Variants in CNBD1 observed in about 807,000 individuals in gnomAD.
The protein encoded by CNBD1 is cyclic nucleotide binding domain containing 1, also known as cyclic nucleotide-binding domain-containing protein 1.
A neutral mutation model predicts 54.4 loss-of-function variants in CNBD1; 71 were observed. The ratio of observed to expected loss-of-function variants is 1.30; its 90% CI spans 1.08 to 1.59. The LOEUF (loss-of-function observed/expected upper bound fraction) is 1.59, where lower values mean the gene tolerates loss of function less well. CNBD1 is among the 40% of genes most tolerant of loss of function. The pLI, the probability that CNBD1 is intolerant of heterozygous loss-of-function variation, is 0.00. For synonymous variants in CNBD1, 182 were observed against 170.7 expected (o/e 1.07, Z -0.51); for missense variants, 659 against 518.0 (o/e 1.27, Z -2.64).
chr8:87,099,130 A>G (rs533383055), intron 4 of CNBD1, among the ~76,000 whole-genome samples: 149 of 152,010 alleles, frequency 9.8e-4, no homozygotes, highest in Non-Finnish European at 1.8e-3. Flanking sequence ...TAAAAAATAC[A>G]TGATTATATT....
chr8:87,292,232 T>C (rs1159373068), intron 8 of CNBD1, among the ~76,000 whole-genome samples: 1 of 152,200 alleles, frequency 6.6e-6, no homozygotes, highest in Non-Finnish European at 1.5e-5. Context: ...TTAATAATGC[T>C]GAAAGGCTAT....
intron 4 of CNBD1, among the ~76,000 whole-genome samples, chr8:86,969,911 C>CT (rs1207214016): frequency 6.6e-6 from 1 of 151,596 alleles, no homozygotes; most frequent in African/African-American, 2.4e-5. Context: ...TAGATTTACT[C>CT]CTATTTTTAA....
intron 4 of CNBD1, among the ~76,000 whole-genome samples, chr8:87,090,649 C>T (rs1811186547): frequency 6.6e-6 from 1 of 152,196 alleles, no homozygotes; most frequent in Middle Eastern, 3.4e-3. Flanking sequence ...AATAAATTTA[C>T]TGATTGAATT....
At chr8:86,994,679 ACATTTGAGTACCC>A (rs1162427569) in intron 4 of CNBD1, among the ~76,000 whole-genome samples, 1 of 151,834 alleles carries the variant, frequency 6.6e-6, no homozygotes, top group African/African-American at 2.4e-5. Context: ...ACTAGCTCTA[ACATTTGAGTACCC>A]CAGCAGGGTC....
intron 8 of CNBD1, among the ~76,000 whole-genome samples, chr8:87,331,349 G>A (rs902847209): frequency 6.6e-6 from 1 of 152,166 alleles, no homozygotes; most frequent in African/African-American, 2.4e-5. Flanking sequence ...TGTTGAGGTT[G>A]ATGGCTTCCA....
intron 3 of CNBD1, among the ~76,000 whole-genome samples, chr8:86,938,963 C>T (rs923642031): frequency 6.6e-6 from 1 of 152,180 alleles, no homozygotes. Context: ...TTCATTTCTG[C>T]AACCTGCCTT....
At chr8:86,958,849 G>A (rs1226903374) in intron 4 of CNBD1, among the ~76,000 whole-genome samples, 1 of 152,128 alleles carries the variant, frequency 6.6e-6, no homozygotes, top group Non-Finnish European at 1.5e-5. Flanking sequence ...ATATTGTTAT[G>A]TGTGAATTTG....
In CNBD1 at chr8:87,099,034, CAAA is replaced by C. The variant is rs11402011; in HGVS notation, c.432-106935_432-106933del. ...CCTGGGACAGAGCAAGACTGTGTCTCAAAAAAAAAAAAAAAAAAAAAAAAAACA... is the reference window on the plus strand; with the variant it reads ...CCTGGGACAGAGCAAGACTGTGTCTCAAAAAAAAAAAAAAAAAAAAAAACA... On this transcript the variant is annotated intron_variant, in intron 4 of 10. Transcript: ENST00000518476. 4.7e-3 allele frequency among the ~76,000 whole-genome samples: 109 copies of C among 23,056 alleles called. 3 individuals carry two copies. The highest frequency in any genetic ancestry group is 0.015 in the African/African-American group (102 of 6,978). 15.1% of individuals were successfully genotyped at this position (23,056 alleles called of 152,430 possible).
intron 4 of CNBD1, among the ~76,000 whole-genome samples, chr8:87,027,471 C>T (rs1809674479): frequency 1.3e-5 from 2 of 152,106 alleles, no homozygotes; most frequent in South Asian, 2.1e-4. Context: ...GGGGTTTCAC[C>T]ATGTTGACCA....
chr8:86,955,486 C>T (rs1202881864), intron 4 of CNBD1, among the ~76,000 whole-genome samples: 2 of 152,212 alleles, frequency 1.3e-5, no homozygotes, highest in Admixed American at 6.5e-5. Context: ...ACATCCTCTC[C>T]AGCACCTGTT....
At chr8:87,249,571 C>T (rs1358950930) in intron 6 of CNBD1, among the ~76,000 whole-genome samples, 5 of 152,104 alleles carry the variant, frequency 3.3e-5, no homozygotes, top group African/African-American at 4.8e-5. Context: ...TATCTTTCAA[C>T]CGCAAATTGA....
intron 3 of CNBD1, among the ~76,000 whole-genome samples, chr8:86,937,240 C>T (rs1376168376): frequency 6.6e-6 from 1 of 152,162 alleles, no homozygotes. Flanking sequence ...GACTTACTAT[C>T]ATGAGAACAG....
At chr8:87,003,282 G>A (rs1809030688) in intron 4 of CNBD1, among the ~76,000 whole-genome samples, 2 of 152,178 alleles carry the variant, frequency 1.3e-5, no homozygotes, top group South Asian at 2.1e-4. Flanking sequence ...TTTTAAAAAT[G>A]AATGATAATA....
intron 4 of CNBD1, among the ~76,000 whole-genome samples, chr8:87,057,105 T>A (rs989348333): frequency 2.6e-5 from 4 of 152,200 alleles, no homozygotes; most frequent in African/African-American, 9.6e-5. Flanking sequence ...AGTAGCAACC[T>A]GCCATGTTGT....
At chr8:87,061,644 G>A (rs1810550349) in intron 4 of CNBD1, among the ~76,000 whole-genome samples, 1 of 151,998 alleles carries the variant, frequency 6.6e-6, no homozygotes, top group East Asian at 1.9e-4. Flanking sequence ...AAGAGTGTAG[G>A]GTAAGCTGAT....
chr8:87,134,249 A>G (rs1180378758), intron 4 of CNBD1, among the ~76,000 whole-genome samples: 3 of 152,158 alleles, frequency 2.0e-5, no homozygotes, highest in Non-Finnish European at 4.4e-5. Context: ...TCAATGCACA[A>G]TAGTTAACAT....
At chr8:87,185,294 A>G (rs1367854) in intron 4 of CNBD1, among the ~76,000 whole-genome samples, 1,676 of 152,266 alleles carry the variant, frequency 0.011, 28 homozygotes, top group African/African-American at 0.035. Context: ...TGATGTTGAA[A>G]TTTGACTACA....
chr8:86,899,962 C>A (rs555697288), intron 2 of CNBD1, among the ~76,000 whole-genome samples: 1 of 152,228 alleles, frequency 6.6e-6, no homozygotes, highest in South Asian at 2.1e-4. Context: ...GCACACCCTA[C>A]CCCTCCTCTC....
chr8:87,241,612 C>T (rs1027176268), intron 6 of CNBD1, among the ~76,000 whole-genome samples: 1 of 152,092 alleles, frequency 6.6e-6, no homozygotes, highest in African/African-American at 2.4e-5. Flanking sequence ...AAGTGTCTAG[C>T]AGGGTGTCAC....
Sources: gnomAD v4.1 joint callset for allele counts (sites outside exome capture counted in the v4.1 genomes callset) on GRCh38, gnomAD v4.1.1 for gene constraint, MANE v1.5 for transcripts, NCBI Gene and HGNC (gene_info 2026-07-23, HGNC 2026-07-21) for gene names.